The following SPAG16 variants were observed in gnomAD, a reference collection of about 807,000 sequenced individuals.
The protein encoded by SPAG16 is sperm-associated antigen 16 protein.
In SPAG16, 86 loss-of-function variants were observed where a neutral mutation model predicts 80.4. That is an observed-to-expected ratio of 1.07 (90% CI 0.90 to 1.28). The LOEUF is 1.28. SPAG16 is among the 50% of genes most tolerant of loss of function. The probability of loss-of-function intolerance (pLI) is 0.00; values close to 1 mark genes in which losing one functional copy is unlikely to be tolerated. For missense variants in SPAG16, 870 were observed against 765.3 expected, an observed-to-expected ratio of 1.14 and a Z score of -1.61; for synonymous variants, 294 against 265.9, an observed-to-expected ratio of 1.11 and a Z score of -1.03.
At chr2:213,328,110 A>T (rs533636999) in intron 5 of SPAG16, among the ~76,000 whole-genome samples, 4 of 152,250 alleles carry the variant, frequency 2.6e-5, no homozygotes, top group African/African-American at 9.6e-5. Context: ...CATTACTCCA[A>T]TGAAGTAACC....
chr2:214,214,686 G>C (rs1013340541), intron 15 of SPAG16, among the ~76,000 whole-genome samples: 9 of 151,354 alleles, frequency 5.9e-5, no homozygotes, highest in Non-Finnish European at 1.2e-4. Flanking sequence ...TATGCAATCT[G>C]GGATGCCCTC....
At chr2:213,314,616 T>C (rs780300814) in intron 4 of SPAG16, among the ~76,000 whole-genome samples, 5 of 152,070 alleles carry the variant, frequency 3.3e-5, no homozygotes, top group South Asian at 4.1e-4. Context: ...TCCTGAGATA[T>C]ATACTATGTA....
chr2:213,929,697 G>A (rs1050615587), intron 11 of SPAG16, among the ~76,000 whole-genome samples: 1 of 152,116 alleles, frequency 6.6e-6, no homozygotes, highest in African/African-American at 2.4e-5. Context: ...CTAATTTAGT[G>A]AATTAATCTA....
intron 10 of SPAG16, among the ~76,000 whole-genome samples, chr2:213,527,582 G>A (rs1364972850): frequency 1.3e-5 from 2 of 152,124 alleles, no homozygotes; most frequent in African/African-American, 2.4e-5. Flanking sequence ...AATAGTAAAT[G>A]TCAGGAATAG....
intron 11 of SPAG16, among the ~76,000 whole-genome samples, chr2:213,873,739 G>T (rs2076036680): frequency 6.6e-6 from 1 of 150,882 alleles, no homozygotes; most frequent in Non-Finnish European, 1.5e-5. Context: ...TTCTTTTTTG[G>T]CCGATTGGCT....
intron 3 of SPAG16, among the ~76,000 whole-genome samples, chr2:213,301,294 C>T (rs1575122416): frequency 1.3e-5 from 2 of 152,088 alleles, no homozygotes; most frequent in African/African-American, 4.8e-5. Flanking sequence ...ACAGATTATC[C>T]AAGCCAATAT....
intron 2 of SPAG16, 77 bp from the exon 3 acceptor site, chr2:213,297,185 A>G: frequency 6.6e-7 from 1 of 1,504,960 alleles, no homozygotes; most frequent in African/African-American, 1.4e-5. Flanking sequence ...TTGTGAAGCA[A>G]AATTATTTCT....
chr2:214,291,300 CTTTTTTT>C (rs56771172), intron 15 of SPAG16, among the ~76,000 whole-genome samples: 17 of 80,488 alleles, frequency 2.1e-4, no homozygotes, highest in African/African-American at 7.7e-4. Flanking sequence ...GATCATGTTT[CTTTTTTT>C]TTTTTTTTTT....
intron 13 of SPAG16, among the ~76,000 whole-genome samples, chr2:214,051,176 A>G (rs2049623770): frequency 6.6e-6 from 1 of 152,246 alleles, no homozygotes; most frequent in Non-Finnish European, 1.5e-5. Flanking sequence ...TACCCTTTCA[A>G]GGACGACGTA....
intron 14 of SPAG16, among the ~76,000 whole-genome samples, chr2:214,115,989 C>T (rs2053916526): frequency 6.6e-6 from 1 of 151,970 alleles, no homozygotes; most frequent in African/African-American, 2.4e-5. Context: ...TAGGAGGCTG[C>T]AGAGCCCCAG....
chr2:213,402,601 G>A (rs866856248), intron 9 of SPAG16, among the ~76,000 whole-genome samples: 8 of 143,226 alleles, frequency 5.6e-5, no homozygotes, highest in African/African-American at 1.5e-4. Context: ...AACAGTCCCT[G>A]GAGTGTGATG....
intron 10 of SPAG16, among the ~76,000 whole-genome samples, chr2:213,618,786 T>C (rs1253445551): frequency 6.6e-6 from 1 of 152,158 alleles, no homozygotes; most frequent in African/African-American, 2.4e-5. Context: ...ATTAGGTTGC[T>C]AGACCTTAAA....
At chr2:213,507,100 C>G (rs961421632) in intron 10 of SPAG16, among the ~76,000 whole-genome samples, 19 of 152,114 alleles carry the variant, frequency 1.2e-4, no homozygotes, top group African/African-American at 4.3e-4. Flanking sequence ...GGAGAATGAC[C>G]ACTGTATCAA....
intron 10 of SPAG16, among the ~76,000 whole-genome samples, chr2:213,766,932 G>T (rs2068966187): frequency 6.6e-6 from 1 of 152,132 alleles, no homozygotes; most frequent in Non-Finnish European, 1.5e-5. Flanking sequence ...CTCCTGCGAG[G>T]CCTGCCGGGT....
At chr2:213,392,832 C>T (rs1010723842) in intron 9 of SPAG16, among the ~76,000 whole-genome samples, 3 of 150,388 alleles carry the variant, frequency 2.0e-5, no homozygotes, top group East Asian at 1.9e-4. Flanking sequence ...GGTGATGGAG[C>T]GAGACTCTGT....
intron 14 of SPAG16, among the ~76,000 whole-genome samples, chr2:214,137,441 ATG>A (rs2055120877): frequency 1.3e-5 from 2 of 152,076 alleles, no homozygotes; most frequent in African/African-American, 4.8e-5. Flanking sequence ...GTATATATGT[ATG>A]TGTTATCTAT....
At chr2:213,825,924 G>T (rs921771895) in intron 10 of SPAG16, among the ~76,000 whole-genome samples, 2 of 151,478 alleles carry the variant, frequency 1.3e-5, no homozygotes, top group African/African-American at 4.8e-5. Flanking sequence ...TTATGGCTTT[G>T]ACCTCATTAC....
intron 15 of SPAG16, among the ~76,000 whole-genome samples, chr2:214,301,066 T>TAAA (rs922379903): frequency 7.3e-6 from 1 of 137,888 alleles, no homozygotes; most frequent in Non-Finnish European, 1.6e-5. Flanking sequence ...ATAATAATAA[T>TAAA]AAAAGTTAGC....
At chr2:214,193,427 G>GTGTGTGTGTGTGTGTGT (rs1491127730) in intron 15 of SPAG16, among the ~76,000 whole-genome samples, 4 of 74,732 alleles carry the variant, frequency 5.4e-5, no homozygotes, top group Admixed American at 1.2e-4. Flanking sequence ...GTGTGTGTAT[G>GTGTGTGTGTGTGTGTGT]AGAGAGAGAG....
Sources: gnomAD v4.1 joint callset for allele counts (sites outside exome capture counted in the v4.1 genomes callset) on GRCh38, gnomAD v4.1.1 for gene constraint, MANE v1.5 for transcripts, NCBI Gene and HGNC (gene_info 2026-07-23, HGNC 2026-07-21) for gene names.